The following GABRB3 variants were observed in gnomAD, a reference collection of about 807,000 sequenced individuals.
The protein encoded by GABRB3 is gamma-aminobutyric acid receptor subunit beta-3.
GABRB3 carries 14 observed loss-of-function variants against 52.1 expected under a neutral mutation model. The observed-to-expected ratio is 0.27, with a 90% CI of 0.18 to 0.42. GABRB3 has a LOEUF of 0.42. Among genes scored for constraint, GABRB3 ranks in the 10% least tolerant of loss-of-function variants. The probability of loss-of-function intolerance (pLI) is 1.00; values close to 1 mark genes in which losing one functional copy is unlikely to be tolerated. For missense variants in GABRB3, 307 were observed against 609.1 expected (o/e 0.50, Z 5.22); for synonymous variants, 260 against 232.3 (o/e 1.12, Z -1.08).
intron 3 of GABRB3, among the ~76,000 whole-genome samples, chr15:26,623,537 T>TTTTG (rs71420013): frequency 1.3e-5 from 2 of 151,638 alleles, no homozygotes; most frequent in East Asian, 1.9e-4. Context: ...CAACCATCTC[T>TTTTG]TTTGTTTGTT....
At chr15:26,714,414 G>C (rs902929098) in intron 3 of GABRB3, among the ~76,000 whole-genome samples, 3 of 152,200 alleles carry the variant, frequency 2.0e-5, no homozygotes, top group Non-Finnish European at 2.9e-5. Flanking sequence ...GCCCAAGGTG[G>C]TCAGAACACA....
At chr15:26,689,140 C>A (rs140624070) in intron 3 of GABRB3, among the ~76,000 whole-genome samples, 1,943 of 152,298 alleles carry the variant, frequency 0.013, 24 homozygotes, top group Non-Finnish European at 0.017. Flanking sequence ...GGGTTAGTCC[C>A]AGGTCCCCCA....
At chr15:26,665,968 T>C (rs1206965258) in intron 3 of GABRB3, among the ~76,000 whole-genome samples, 1 of 152,158 alleles carries the variant, frequency 6.6e-6, no homozygotes, top group African/African-American at 2.4e-5. Flanking sequence ...TTTACAAGTA[T>C]AAAACCTTTC....
chr15:26,745,297 T>C (rs539995848), intron 3 of GABRB3, among the ~76,000 whole-genome samples: 1 of 152,338 alleles, frequency 6.6e-6, no homozygotes, highest in Admixed American at 6.5e-5. Flanking sequence ...GTTTAACATT[T>C]TTTTAATTTT....
At chr15:26,649,390 G>A (rs761154562) in intron 3 of GABRB3, among the ~76,000 whole-genome samples, 5 of 152,146 alleles carry the variant, frequency 3.3e-5, no homozygotes, top group East Asian at 3.9e-4. Flanking sequence ...AAAGCAGACC[G>A]TAGTCCTCAC....
chr15:26,631,607 G>T (rs1305624788), intron 3 of GABRB3, among the ~76,000 whole-genome samples: 1 of 152,210 alleles, frequency 6.6e-6, no homozygotes, highest in Non-Finnish European at 1.5e-5. Flanking sequence ...AAATTGTTTT[G>T]AGAAGCTTAC....
rs771203717 is a variant in GABRB3, at chr15:26,742,947, T to TTTTG, written c.240+29454_240+29455insCAAA. Among the ~76,000 whole-genome samples, 844 of 104,064 alleles carry TTTTG rather than the reference T, an allele frequency of 8.1e-3. 43 individuals carry two copies. The highest frequency in any genetic ancestry group is 0.013 in the Non-Finnish European group (656 of 51,548). 68.3% of individuals were successfully genotyped at this position (104,064 alleles called of 152,430 possible). ...TTCTTTTTTTTTTTTTTTTTTTTTT[T>TTTTG]GAGACAGAGTCTCGCTATGGCGCCC... On this transcript the variant is annotated intron_variant, in intron 3 of 8. Transcript: ENST00000311550.
intron 3 of GABRB3, among the ~76,000 whole-genome samples, chr15:26,734,886 A>G (rs1890026234): frequency 6.6e-6 from 1 of 152,180 alleles, no homozygotes; most frequent in Admixed American, 6.5e-5. Flanking sequence ...ACTGCACTCC[A>G]GCCTGTACGA....
chr15:26,614,164 G>C (rs145535819), intron 4 of GABRB3: 1 of 152,340 alleles, frequency 6.6e-6, no homozygotes, highest in East Asian at 1.9e-4. Context: ...TTTGATAGGG[G>C]AGGCAAAGAA....
intron 3 of GABRB3, among the ~76,000 whole-genome samples, chr15:26,758,249 G>C (rs1248684529): frequency 1.3e-5 from 2 of 152,190 alleles, no homozygotes; most frequent in Non-Finnish European, 2.9e-5. Flanking sequence ...TGATTTTTCT[G>C]TTTGCACATT....
chr15:26,619,213 G>T (rs1429319526), intron 4 of GABRB3, among the ~76,000 whole-genome samples: 1 of 151,824 alleles, frequency 6.6e-6, no homozygotes, highest in Non-Finnish European at 1.5e-5. Flanking sequence ...AAAGACACAT[G>T]CACACGTATG....
chr15:26,573,739 G>A (rs1221597894), intron 6 of GABRB3, among the ~76,000 whole-genome samples: 7 of 152,136 alleles, frequency 4.6e-5, no homozygotes, highest in Non-Finnish European at 1.0e-4. Flanking sequence ...ATCTGATAAG[G>A]AACTTATATC....
intron 3 of GABRB3, among the ~76,000 whole-genome samples, chr15:26,729,957 C>T (rs909777378): frequency 1.3e-5 from 2 of 152,164 alleles, no homozygotes; most frequent in African/African-American, 4.8e-5. Flanking sequence ...TACCTAGAAC[C>T]AAGTTAGGTG....
intron 3 of GABRB3, among the ~76,000 whole-genome samples, chr15:26,717,271 T>C (rs573672912): frequency 2.1e-3 from 162 of 78,242 alleles, no homozygotes; most frequent in Admixed American, 4.6e-3. Context: ...GCTCTGGGGA[T>C]ATCCACCCGA....
chr15:26,715,258 G>A (rs1275220451), intron 3 of GABRB3, among the ~76,000 whole-genome samples: 1 of 152,038 alleles, frequency 6.6e-6, no homozygotes, highest in East Asian at 1.9e-4. Flanking sequence ...GAAGAGGTCA[G>A]AAAAATCTGA....
At chr15:26,729,258 C>T (rs1211460067) in intron 3 of GABRB3, among the ~76,000 whole-genome samples, 1 of 152,062 alleles carries the variant, frequency 6.6e-6, no homozygotes, top group African/African-American at 2.4e-5. Context: ...GCAACACTGC[C>T]TCCGACTGGC....
At chr15:26,683,345 C>CTAG (rs60147252) in intron 3 of GABRB3, among the ~76,000 whole-genome samples, 1 of 143,918 alleles carries the variant, frequency 6.9e-6, no homozygotes, top group African/African-American at 3.0e-5. Context: ...AGGCACCCAC[C>CTAG]TGGAGTTTCA....
rs1183782819 is a variant in GABRB3, at chr15:26,544,021, GC to G, written c.*3771del. 2 of 152,540 alleles carry G rather than the reference GC, an allele frequency of 1.3e-5. No homozygotes were observed. Among genetic ancestry groups the G allele is most frequent in the Non-Finnish European group, 2.9e-5 (2 of 68,032 alleles). 9.4% of individuals were successfully genotyped at this position (152,540 alleles called of 1,614,324 possible). On this transcript the variant is annotated 3_prime_UTR_variant, in exon 9 of 9. Coordinates refer to ENST00000311550, the MANE Select transcript of GABRB3 (RefSeq NM_000814.6). ...ATTTAATTCACCTGGGCAGTTCTTT[GC>G]CCCAAGATTCGATGTTACTCTAATG...
At chr15:26,586,910 G>A (rs1173588416) in intron 4 of GABRB3, among the ~76,000 whole-genome samples, 11 of 152,094 alleles carry the variant, frequency 7.2e-5, no homozygotes, top group Non-Finnish European at 1.5e-5. Context: ...ATGGGGAGGT[G>A]ATGAGCAAAG....
Sources: gnomAD v4.1 joint callset for allele counts (sites outside exome capture counted in the v4.1 genomes callset) on GRCh38, gnomAD v4.1.1 for gene constraint, MANE v1.5 for transcripts, NCBI Gene and HGNC (gene_info 2026-07-23, HGNC 2026-07-21) for gene names.